FMO4: variants seen among roughly 807,000 people sequenced by gnomAD.
FMO4 encodes the protein flavin containing dimethylaniline monoxygenase 4, also known as dimethylaniline monooxygenase [N-oxide-forming] 4.
A neutral mutation model predicts 43.3 loss-of-function variants in FMO4; 38 were observed. That is an observed-to-expected ratio of 0.88 (90% CI 0.68 to 1.15). FMO4 has a LOEUF of 1.15. Ranked by LOEUF, FMO4 falls within the 50% of genes most tolerant of loss-of-function variation. The pLI is 0.00. For synonymous variants in FMO4, 224 were observed against 232.2 expected (o/e 0.96, Z 0.32); for missense variants, 631 against 663.3 (o/e 0.95, Z 0.54).
chr1:171,324,507 G>A (rs1662579610), intron 5 of FMO4, among the ~76,000 whole-genome samples: 1 of 152,036 alleles, frequency 6.6e-6, no homozygotes, highest in Non-Finnish European at 1.5e-5. Context: ...AAATATTATT[G>A]TTATTGCTTA....
Position 171,334,534 on chromosome 1 carries a change from G to A in FMO4, c.951G>A (p.Val317=). Residue 317 remains valine, a synonymous_variant, in exon 8 of 10, where the codon GTG becomes GTA. Transcript: ENST00000367749. Reference sequence around the variant, plus strand: ...CTGCTGTCTTTGAAGATGGGACAGTGGAAGAAAACATTGATGTTGTGATCT... The same window carrying A: ...CTGCTGTCTTTGAAGATGGGACAGTAGAAGAAAACATTGATGTTGTGATCT... ...ETSAVFEDGT[V]EENIDVVIFT... 2 of 1,613,552 alleles carry A rather than the reference G, an allele frequency of 1.2e-6. No homozygotes were observed. Among genetic ancestry groups the A allele is most frequent in the Non-Finnish European group, 1.7e-6 (2 of 1,179,522 alleles).
intron 1 of FMO4, among the ~76,000 whole-genome samples, chr1:171,315,155 G>A (rs1662146229): frequency 6.6e-6 from 1 of 152,186 alleles, no homozygotes; most frequent in East Asian, 1.9e-4. Context: ...ATCCAGGCGT[G>A]GTGCCGCCTG....
chr1:171,328,115 G>C (rs569967916), intron 5 of FMO4, among the ~76,000 whole-genome samples: 1 of 152,142 alleles, frequency 6.6e-6, no homozygotes, highest in South Asian at 2.1e-4. Flanking sequence ...ATCTCAGCTT[G>C]CTGCGACCTC....
At chr1:171,322,947 C>T in intron 3 of FMO4, 57 bp from the exon 4 acceptor site, 1 of 1,344,858 alleles carries the variant, frequency 7.4e-7, no homozygotes, top group Non-Finnish European at 1.1e-6. Context: ...ACCATGATCT[C>T]TGTTCTCTTC....
rs1317337019 is a variant in FMO4, at chr1:171,327,980, A to T, written c.485-3660A>T. Among the ~76,000 whole-genome samples the T allele has an allele frequency of 2.6e-5, 4 of 152,176 alleles. No individual in the cohort carries two copies. The East Asian group carries it at 7.7e-4, about 29-fold the overall frequency. ...GCCTGGGACTAGCATAGCAAGGGCT[A>T]AATAATTGTTAGCTATTTTCTGTTT... On this transcript the variant is annotated intron_variant, in intron 5 of 9. Coordinates refer to ENST00000367749, the MANE Select transcript of FMO4 (RefSeq NM_002022.3).
chr1:171,332,615 C>T (rs1461962267), intron 6 of FMO4, 94 bp from the exon 7 acceptor site: 1 of 1,002,528 alleles, frequency 1.0e-6, no homozygotes, highest in African/African-American at 1.6e-5. Context: ...GTTAAAAGAC[C>T]AGACTGGAAT....
chr1:171,330,365 G>A (rs1340053145), intron 5 of FMO4, among the ~76,000 whole-genome samples: 2 of 152,176 alleles, frequency 1.3e-5, no homozygotes, highest in Non-Finnish European at 2.9e-5. Flanking sequence ...TAAACACCCT[G>A]TTTCCACTAT....
chr1:171,325,612 C>A (rs1366940627), intron 5 of FMO4, among the ~76,000 whole-genome samples: 1 of 151,904 alleles, frequency 6.6e-6, no homozygotes, highest in African/African-American at 2.4e-5. Flanking sequence ...TGGTGGTTGG[C>A]TTCAGGCTTG....
chr1:171,322,562 A>T (rs755397626), intron 3 of FMO4, among the ~76,000 whole-genome samples: 21 of 152,184 alleles, frequency 1.4e-4, no homozygotes, highest in Non-Finnish European at 2.2e-4. Flanking sequence ...CTTTAAAATT[A>T]CAAATAGTGG....
rs775513653 is a variant in FMO4, at chr1:171,341,735, G to A, written c.1573G>A (p.Ala525Thr). 16 of 1,613,618 alleles carry A rather than the reference G, an allele frequency of 9.9e-6. No homozygotes were observed. Residue 525 changes from alanine (A) to threonine (T), a missense_variant, in exon 10 of 10, where the codon GCC becomes ACC. Coordinates refer to ENST00000367749, the MANE Select transcript of FMO4 (RefSeq NM_002022.3). The stretch of plus-strand genomic sequence containing the variant: ...AGCCTGGGGGGCACCTGTCCTACTT[G>A]CCTCTCTTCTACTTATCTGTAAATC... ...LKAWGAPVLL[A>T]SLLLICKSSL... is the part of the protein sequence containing the mutation.
chr1:171,338,874 C>A (rs1663231452), intron 9 of FMO4, among the ~76,000 whole-genome samples: 1 of 152,160 alleles, frequency 6.6e-6, no homozygotes. Context: ...GGATCTCCAG[C>A]ACCTACAATG....
At chr1:171,334,847 T>G (rs962643234) in intron 8 of FMO4, 84 bp downstream of exon 8, 3 of 721,656 alleles carry the variant, frequency 4.2e-6, no homozygotes, top group African/African-American at 1.8e-5. Context: ...AGATGTGAAC[T>G]AAAGTAACAA....
chr1:171,330,337 T>C (rs1662845296), intron 5 of FMO4, among the ~76,000 whole-genome samples: 1 of 152,198 alleles, frequency 6.6e-6, no homozygotes, highest in African/African-American at 2.4e-5. Flanking sequence ...ACAATTTCCA[T>C]TGTTGCTGCT....
Position 171,314,230 on chromosome 1 carries a change from TAACAG to T in FMO4, c.-331_-327del, listed in dbSNP as rs1449362619. 6.6e-6 allele frequency: 1 copy of T among 152,116 alleles called. No individual in the cohort carries two copies. The highest frequency in any genetic ancestry group is 1.9e-4 in the East Asian group (1 of 5,194). 9.4% of individuals were successfully genotyped at this position (152,116 alleles called of 1,614,324 possible). ...TGTATACTTTCTGCTGTCACTAGCA[TAACAG>T]AAAAGACGAATGGCTTTTGTTTTAA... On this transcript the variant is annotated 5_prime_UTR_variant, in exon 1 of 10. Coordinates refer to ENST00000367749, the MANE Select transcript of FMO4 (RefSeq NM_002022.3).
At chr1:171,330,574 A>G (rs1662857373) in intron 5 of FMO4, among the ~76,000 whole-genome samples, 1 of 152,204 alleles carries the variant, frequency 6.6e-6, no homozygotes, top group Admixed American at 6.5e-5. Flanking sequence ...CAGGCAAGAG[A>G]GAGAGCATGC....
At position 171,323,109 on chromosome 1, in the gene FMO4, A is replaced by G; in HGVS notation, c.238A>G (p.Asn80Asp). The stretch of plus-strand genomic sequence containing the variant: ...CTTCCCTTTCCACGAAGATTATCCT[A>G]ATTTCATGAACCATGAAAAATTTTG... ...SDFPFHEDYP[N>D]FMNHEKFWDY... Residue 80 changes from asparagine (N) to aspartate (D), a missense_variant, in exon 4 of 10, where the codon AAT becomes GAT. By Grantham distance (23) the Asn-to-Asp change is conservative (BLOSUM62 1). Coordinates refer to ENST00000367749, the MANE Select transcript of FMO4 (RefSeq NM_002022.3). 1 of 1,613,428 alleles carries G rather than the reference A, an allele frequency of 6.2e-7. No individual in the cohort carries two copies. The highest frequency in any genetic ancestry group is 8.5e-7 in the Non-Finnish European group (1 of 1,179,402).
intron 3 of FMO4, 105 bp from the exon 4 acceptor site, chr1:171,322,899 A>G: frequency 2.6e-6 from 2 of 756,824 alleles, no homozygotes; most frequent in Non-Finnish European, 4.5e-6. Flanking sequence ...TGGAACATTA[A>G]TTGCTATAAC....
intron 4 of FMO4, among the ~76,000 whole-genome samples, chr1:171,323,690 C>T (rs1205759595): frequency 6.6e-6 from 1 of 152,060 alleles, no homozygotes; most frequent in Non-Finnish European, 1.5e-5. Context: ...GCTGAATTTG[C>T]TGATTCCTCC....
intron 5 of FMO4, among the ~76,000 whole-genome samples, chr1:171,325,009 G>A (rs578090850): frequency 6.6e-6 from 1 of 152,298 alleles, no homozygotes; most frequent in Admixed American, 6.5e-5. Flanking sequence ...TCAGCAGGCT[G>A]AGGCACAAGA....
Sources: allele counts gnomAD v4.1 joint callset (sites outside exome capture counted in the v4.1 genomes callset), GRCh38; gene constraint gnomAD v4.1.1; transcripts MANE v1.5; gene names NCBI Gene and HGNC (gene_info 2026-07-23, HGNC 2026-07-21).